Variants in TMPRSS9 observed in about 807,000 individuals in gnomAD.
TMPRSS9 encodes transmembrane protease serine 9.
TMPRSS9 carries 113 observed loss-of-function variants against 111.4 expected under a neutral mutation model. That is an observed-to-expected ratio of 1.01 (90% CI 0.87 to 1.19). The LOEUF (loss-of-function observed/expected upper bound fraction) is 1.19. Ranked by LOEUF, TMPRSS9 falls within the 50% of genes most tolerant of loss-of-function variation. TMPRSS9 has a pLI of 0.00. For missense variants in TMPRSS9, 1,803 were observed against 1,513.1 expected, an observed-to-expected ratio of 1.19 and a Z score of -3.18; for synonymous variants, 805 against 659.1, an observed-to-expected ratio of 1.22 and a Z score of -3.39.
intron 7 of TMPRSS9, 39 bp downstream of exon 8, chr19:2,405,584 G>A: frequency 6.8e-7 from 1 of 1,468,634 alleles, no homozygotes; most frequent in Non-Finnish European, 9.0e-7. Context: ...CGAACCCTCT[G>A]TATTTCTCCT....
In TMPRSS9 at chr19:2,424,927, G is replaced by A. The variant is rs529034913; in HGVS notation, c.2718-75G>A. 47 of 1,361,274 alleles carry A rather than the reference G, an allele frequency of 3.5e-5. No individual in the cohort carries two copies. In the African/African-American group the frequency reaches 6.2e-4, roughly 18 times the overall value. 84.3% of individuals were successfully genotyped at this position (1,361,274 alleles called of 1,614,324 possible). On this transcript the variant is annotated intron_variant, in intron 15 of 17. Coordinates refer to ENST00000648592, the Ensembl canonical transcript of TMPRSS9. ...ACCCTGCCCAGGGTGCCAGCCGGCC[G>A]CTGGGGGACACCACAGGGGCGGGGG...
chr19:2,408,402 C>G (rs556963379), exon 8 of TMPRSS9: 3 of 1,613,814 alleles, frequency 1.9e-6, no homozygotes, highest in East Asian at 4.5e-5. Context: ...TGCGACCTAC[C>G]TCAGCGGCTC....
chr19:2,399,041 T>C (rs771704853), exon 4 of TMPRSS9: 14 of 1,612,524 alleles, frequency 8.7e-6, no homozygotes, highest in African/African-American at 1.3e-5. Context: ...AGTGTCCTCG[T>C]ACATTTCCAG....
At chr19:2,366,869 A>AC (rs1365081536) in intron 1 of TMPRSS9, among the ~76,000 whole-genome samples, 1 of 149,328 alleles carries the variant, frequency 6.7e-6, no homozygotes, top group African/African-American at 2.5e-5. Flanking sequence ...AAAAAAAAAA[A>AC]AAAAAAAGAC....
upstream of TMPRSS9, among the ~76,000 whole-genome samples, chr19:2,385,218 A>C (rs191068467): frequency 0.48 from 11,908 of 24,818 alleles, 2,339 homozygotes; most frequent in African/African-American, 0.61. Flanking sequence ...GCGGGGCTCG[A>C]GGGGGCGGGG....
At chr19:2,415,879 C>T (rs1971220848) in intron 11 of TMPRSS9, 38 bp downstream of exon 12, 1 of 1,537,408 alleles carries the variant, frequency 6.5e-7, no homozygotes. Context: ...GCCCGGCTTC[C>T]CCTCCTCACC....
At chr19:2,423,459 G>C (rs1399614107) in intron 14 of TMPRSS9, among the ~76,000 whole-genome samples, 1 of 137,818 alleles carries the variant, frequency 7.3e-6, no homozygotes, top group Non-Finnish European at 1.6e-5. Context: ...ATGGCGGTTG[G>C]TGGGGGGTGG....
upstream of TMPRSS9, among the ~76,000 whole-genome samples, chr19:2,386,688 G>T (rs1008790248): frequency 6.6e-6 from 1 of 152,148 alleles, no homozygotes; most frequent in Non-Finnish European, 1.5e-5. Context: ...TGACTGCCTT[G>T]TGAGCATGAA....
chr19:2,421,445 C>T (rs1459322585), intron 13 of TMPRSS9, among the ~76,000 whole-genome samples: 3 of 151,654 alleles, frequency 2.0e-5, no homozygotes, highest in Non-Finnish European at 2.9e-5. Context: ...CCCACCACCA[C>T]GCCCAGCTAA....
At chr19:2,375,369 T>C (rs928780704) in intron 1 of TMPRSS9, among the ~76,000 whole-genome samples, 16 of 151,306 alleles carry the variant, frequency 1.1e-4, no homozygotes, top group African/African-American at 3.4e-4. Flanking sequence ...GATGGAGGGG[T>C]GGGCCCTGTG....
chr19:2,422,626 C>G (rs2145417536), intron 14 of TMPRSS9, among the ~76,000 whole-genome samples: 1 of 152,104 alleles, frequency 6.6e-6, no homozygotes. Flanking sequence ...TGGCTCATGC[C>G]TGTAATCCCA....
chr19:2,383,351 C>CA (rs529968946), intron 1 of TMPRSS9, among the ~76,000 whole-genome samples: 7,781 of 138,214 alleles, frequency 0.056, 231 homozygotes, highest in Non-Finnish European at 0.07. Flanking sequence ...TAGATTCCGT[C>CA]AAAAAAAAAA....
chr19:2,420,063 TG>T (rs1971427885), intron 13 of TMPRSS9, among the ~76,000 whole-genome samples: 1 of 152,074 alleles, frequency 6.6e-6, no homozygotes, highest in Non-Finnish European at 1.5e-5. Flanking sequence ...CTTGGGCAGC[TG>T]AACTGGGAGG....
chr19:2,372,969 C>A (rs918107167), intron 1 of TMPRSS9, among the ~76,000 whole-genome samples: 3 of 151,586 alleles, frequency 2.0e-5, no homozygotes, highest in Admixed American at 6.6e-5. Flanking sequence ...GTAGCTGGAA[C>A]CACAGGCGTG....
chr19:2,425,207 C>T (rs1471704113), exon 16 of TMPRSS9: 1 of 1,505,484 alleles, frequency 6.6e-7, no homozygotes, highest in Admixed American at 2.1e-5. Flanking sequence ...CGAGCCCGCG[C>T]CGCGACCCCC....
chr19:2,400,340 G>A (rs138775409), intron 4 of TMPRSS9, among the ~76,000 whole-genome samples: 6 of 152,078 alleles, frequency 3.9e-5, no homozygotes, highest in Admixed American at 2.0e-4. Flanking sequence ...TCAGGAGTTC[G>A]AGACCAGCCT....
exon 14 of TMPRSS9, chr19:2,422,049 A>G (rs1332045457): frequency 1.2e-6 from 2 of 1,612,222 alleles, no homozygotes; most frequent in African/African-American, 1.3e-5. Context: ...GACCACAAGG[A>G]TGCTGGCCAC....
chr19:2,360,570 A>G (rs1230926685), intron 1 of TMPRSS9, among the ~76,000 whole-genome samples: 1 of 151,960 alleles, frequency 6.6e-6, no homozygotes, highest in Non-Finnish European at 1.5e-5. Context: ...TGGGGTGTGT[A>G]GACATGGCCA....
At position 2,402,119 on chromosome 19, in the gene TMPRSS9, G is replaced by C. The variant is rs570990818; in HGVS notation, c.556+103G>C. 33 of 1,190,820 alleles carry C rather than the reference G, an allele frequency of 2.8e-5. 1 individual carries two copies. In the African/African-American group the frequency reaches 3.8e-4, roughly 14 times the overall value. 73.8% of individuals were successfully genotyped at this position (1,190,820 alleles called of 1,614,324 possible). The stretch of plus-strand genomic sequence containing the variant: ...AGGAATCCCTGGAACGAGGCTGGGC[G>C]CGGTGGCTCACATCTGTCGTCCCAG... On this transcript the variant is annotated intron_variant, in intron 5 of 17. Transcript: ENST00000648592.
Sources: allele counts gnomAD v4.1 joint callset (sites outside exome capture counted in the v4.1 genomes callset), GRCh38; gene constraint gnomAD v4.1.1; transcripts MANE v1.5; gene names NCBI Gene and HGNC (gene_info 2026-07-23, HGNC 2026-07-21).